The following ERI1 variants were observed in gnomAD, a reference collection of about 807,000 sequenced individuals.
The protein encoded by ERI1 is exoribonuclease 1.
Under a neutral mutation model 39.7 loss-of-function variants are expected in ERI1, and 39 were observed. The ratio of observed to expected loss-of-function variants is 0.98; its 90% CI spans 0.76 to 1.28. The LOEUF is 1.28. Ranked by LOEUF, ERI1 falls within the 50% of genes most tolerant of loss-of-function variation. The pLI is 0.00. For synonymous variants in ERI1, 204 were observed against 149.6 expected (o/e 1.36, Z -2.65); for missense variants, 581 against 416.9 (o/e 1.39, Z -3.43).
intron 3 of ERI1, among the ~76,000 whole-genome samples, chr8:9,057,786 G>C (rs1254553926): frequency 6.6e-6 from 1 of 152,324 alleles, no homozygotes; most frequent in Non-Finnish European, 1.5e-5. Context: ...ACCTGCTGCA[G>C]ATGTAAAGTG....
chr8:9,067,784 A>T (rs1044035128), intron 3 of ERI1, among the ~76,000 whole-genome samples: 5 of 152,164 alleles, frequency 3.3e-5, no homozygotes, highest in African/African-American at 9.6e-5. Flanking sequence ...TCAAGATTAC[A>T]CAGCTAGTCT....
intron 6 of ERI1, among the ~76,000 whole-genome samples, chr8:9,028,576 A>C (rs747161662): frequency 1.6e-4 from 24 of 152,204 alleles, no homozygotes; most frequent in Non-Finnish European, 2.6e-4. Context: ...AAACTACAGA[A>C]TGTAAAACTT....
At position 9,031,594 on chromosome 8, in the gene ERI1, C is replaced by A. The variant is rs1460876477; in HGVS notation, c.*1560C>A. On this transcript the variant is annotated 3_prime_UTR_variant, in exon 7 of 7. Transcript: ENST00000250263. The stretch of plus-strand genomic sequence containing the variant: ...ATTACTGAATACTGAATAGCTGAAA[C>A]TGCAATTGGAAAATCTGATGATGAC... 6.6e-6 allele frequency: 1 copy of A among 152,200 alleles called. No homozygotes were observed. Among genetic ancestry groups the A allele is most frequent in the Non-Finnish European group, 1.5e-5 (1 of 68,036 alleles). 9.4% of individuals were successfully genotyped at this position (152,200 alleles called of 1,614,324 possible).
At chr8:9,065,453 T>A (rs909912583) in intron 3 of ERI1, among the ~76,000 whole-genome samples, 4 of 152,010 alleles carry the variant, frequency 2.6e-5, no homozygotes, top group African/African-American at 9.7e-5. Context: ...CCCAGCACTT[T>A]GGGAGGCTGA....
At chr8:9,005,965 G>A (rs1222668284) in intron 1 of ERI1, among the ~76,000 whole-genome samples, 1 of 152,122 alleles carries the variant, frequency 6.6e-6, no homozygotes, top group Non-Finnish European at 1.5e-5. Flanking sequence ...GTTCTGTGAT[G>A]GTGAATGTTT....
intron 3 of ERI1, among the ~76,000 whole-genome samples, chr8:9,057,935 T>C (rs563450766): frequency 2.0e-5 from 3 of 152,222 alleles, no homozygotes; most frequent in South Asian, 2.1e-4. Flanking sequence ...ATCGGAGTAA[T>C]AGGACTTGAT....
chr8:9,057,374 C>G (rs939036867), intron 3 of ERI1, among the ~76,000 whole-genome samples: 2 of 152,224 alleles, frequency 1.3e-5, no homozygotes, highest in African/African-American at 4.8e-5. Flanking sequence ...TGTGCTGCCT[C>G]ACACAACTTG....
At chr8:9,060,680 A>G (rs13260103) in intron 3 of ERI1, among the ~76,000 whole-genome samples, 21,420 of 152,176 alleles carry the variant, frequency 0.14, 1,659 homozygotes, top group African/African-American at 0.17. Context: ...GTGTGGGAAG[A>G]GATTGATAGG....
Position 9,008,570 on chromosome 8 carries a change from AT to A in ERI1, c.287+428del, listed in dbSNP as rs538392994. Among the ~76,000 whole-genome samples the A allele has an allele frequency of 2.4e-3, 371 of 152,288 alleles. 2 individuals carry two copies. The highest frequency in any genetic ancestry group is 8.5e-3 in the African/African-American group (353 of 41,562). ...TTAAAAACATTCACTTAACAGGAAT[AT>A]TTTTTGTTTTAATTTCTAAAAAATA... On this transcript the variant is annotated intron_variant, in intron 2 of 6. Coordinates refer to ENST00000250263, the MANE Select transcript of ERI1 (RefSeq NM_153332.4).
intron 3 of ERI1, among the ~76,000 whole-genome samples, chr8:9,090,563 G>T (rs1364976852): frequency 6.6e-6 from 1 of 152,146 alleles, no homozygotes; most frequent in Non-Finnish European, 1.5e-5. Flanking sequence ...TGTTTTAGGA[G>T]TATTCGTTTT....
At chr8:9,039,478 C>T (rs962060887) in intron 3 of ERI1, among the ~76,000 whole-genome samples, 3 of 152,148 alleles carry the variant, frequency 2.0e-5, no homozygotes, top group Non-Finnish European at 4.4e-5. Context: ...AAAACCATCA[C>T]AGAACACCTT....
intron 3 of ERI1, among the ~76,000 whole-genome samples, chr8:9,094,814 A>C (rs1417952447): frequency 6.6e-6 from 1 of 152,132 alleles, no homozygotes; most frequent in South Asian, 2.1e-4. Flanking sequence ...GCTAAATTTA[A>C]AGACTCAGAC....
chr8:9,008,989 G>T, intron 2 of ERI1: 1 of 456,178 alleles, frequency 2.2e-6, no homozygotes, highest in Non-Finnish European at 4.4e-6. Context: ...AATGTATGAA[G>T]AAATTTTTGA....
intron 3 of ERI1, among the ~76,000 whole-genome samples, chr8:9,039,629 G>T (rs562982060): frequency 1.3e-5 from 2 of 152,294 alleles, no homozygotes; most frequent in African/African-American, 4.8e-5. Context: ...TTCAATATAG[G>T]TGTGTACGTA....
intron 3 of ERI1, among the ~76,000 whole-genome samples, chr8:9,099,598 CAA>C (rs752054721): frequency 2.1e-4 from 19 of 90,492 alleles, no homozygotes; most frequent in Admixed American, 5.0e-4. Flanking sequence ...CTCTCTCTCT[CAA>C]AAAAAAAAAA....
In ERI1 at chr8:9,071,351, G is replaced by A. The variant is rs1799045461; in HGVS notation, n.300-44997G>A. ...TCTATTCTAGTTATTACATTTGGGAGTAGAATGCACACCCATCACAAAATG... is the reference window on the plus strand; with the variant it reads ...TCTATTCTAGTTATTACATTTGGGAATAGAATGCACACCCATCACAAAATG... On this transcript the variant is annotated intron_variant and non_coding_transcript_variant, in intron 3 of 3. Transcript: ENST00000518663. 4.6e-5 allele frequency among the ~76,000 whole-genome samples: 7 copies of A among 152,240 alleles called. No homozygotes were observed. The South Asian group carries it at 1.5e-3, about 32-fold the overall frequency.
Position 9,061,625 on chromosome 8 carries a change from C to T in ERI1, n.299+41161C>T, listed in dbSNP as rs111796811. 2.1e-3 allele frequency among the ~76,000 whole-genome samples: 321 copies of T among 152,288 alleles called. 4 individuals carry two copies. Among genetic ancestry groups the T allele is most frequent in the African/African-American group, 6.9e-3 (288 of 41,560 alleles). Reference sequence around the variant, plus strand: ...CCAGCTCTTTTGTAAGAATTCTGACCGCACTAACCATGCCTGGGAAGGAAA... The same window carrying T: ...CCAGCTCTTTTGTAAGAATTCTGACTGCACTAACCATGCCTGGGAAGGAAA... On this transcript the variant is annotated intron_variant and non_coding_transcript_variant, in intron 3 of 3. Transcript: ENST00000518663.
chr8:9,097,708 AG>A (rs1799921136), intron 3 of ERI1, among the ~76,000 whole-genome samples: 1 of 151,786 alleles, frequency 6.6e-6, no homozygotes, highest in Non-Finnish European at 1.5e-5. Context: ...TTTAGTAGGC[AG>A]TTAAGAGACT....
intron 3 of ERI1, among the ~76,000 whole-genome samples, chr8:9,064,776 G>T (rs1266505965): frequency 6.6e-6 from 1 of 152,172 alleles, no homozygotes; most frequent in East Asian, 1.9e-4. Flanking sequence ...CCCTTGATCC[G>T]AGTCATGGCA....
Sources: allele counts gnomAD v4.1 joint callset (sites outside exome capture counted in the v4.1 genomes callset), GRCh38; gene constraint gnomAD v4.1.1; transcripts MANE v1.5; gene names NCBI Gene and HGNC (gene_info 2026-07-23, HGNC 2026-07-21).